Variants in SUGCT observed in about 807,000 individuals in gnomAD.
The protein encoded by SUGCT is succinyl-CoA:glutarate CoA-transferase.
A neutral mutation model predicts 55.0 loss-of-function variants in SUGCT; 41 were observed. The ratio of observed to expected loss-of-function variants is 0.74; its 90% CI spans 0.58 to 0.97. The LOEUF (loss-of-function observed/expected upper bound fraction) is 0.97, where lower values mean the gene tolerates loss of function less well. Among genes scored for constraint, SUGCT ranks in the 50% least tolerant of loss-of-function variants. The pLI is 0.00. For synonymous variants in SUGCT, 187 were observed against 200.4 expected (o/e 0.93, Z 0.56); for missense variants, 568 against 547.8 (o/e 1.04, Z -0.37).
At chr7:40,855,547 GT>G in intron 13 of SUGCT, among the ~76,000 whole-genome samples, 1 of 151,920 alleles carries the variant, frequency 6.6e-6, no homozygotes, top group Non-Finnish European at 1.5e-5. Context: ...TCTGTTTTGA[GT>G]TATCTTCATT....
intron 12 of SUGCT, among the ~76,000 whole-genome samples, chr7:40,679,241 C>T (rs1351678176): frequency 6.6e-6 from 1 of 152,160 alleles, no homozygotes; most frequent in Non-Finnish European, 1.5e-5. Flanking sequence ...AAGAACAAGG[C>T]CCCTAGTGTT....
intron 12 of SUGCT, among the ~76,000 whole-genome samples, chr7:40,731,666 G>A (rs1786896036): frequency 6.6e-6 from 1 of 152,158 alleles, no homozygotes. Context: ...TAAACAAATC[G>A]TTAAAGTGGA....
intron 12 of SUGCT, among the ~76,000 whole-genome samples, chr7:40,638,173 G>C (rs112462710): frequency 1.3e-5 from 2 of 152,156 alleles, no homozygotes; most frequent in African/African-American, 4.8e-5. Flanking sequence ...CAAATATCCG[G>C]CACTTGTTTT....
intron 1 of SUGCT, among the ~76,000 whole-genome samples, chr7:40,178,822 C>T (rs1198380128): frequency 6.6e-6 from 1 of 152,026 alleles, no homozygotes; most frequent in African/African-American, 2.4e-5. Context: ...TGAATTATTT[C>T]TTTGGTAATA....
intron 6 of SUGCT, among the ~76,000 whole-genome samples, chr7:40,219,184 G>A (rs1251900234): frequency 1.3e-5 from 2 of 152,018 alleles, no homozygotes; most frequent in Admixed American, 6.6e-5. Flanking sequence ...TGAAGTCAGC[G>A]AGACCAGGAT....
intron 1 of SUGCT, among the ~76,000 whole-genome samples, chr7:40,138,391 C>T (rs555200481): frequency 6.6e-6 from 1 of 152,190 alleles, no homozygotes; most frequent in Middle Eastern, 3.4e-3. Flanking sequence ...TTATTTAGTG[C>T]TCCATTGATG....
chr7:40,208,324 G>C (rs958779612), intron 6 of SUGCT, among the ~76,000 whole-genome samples: 1 of 152,006 alleles, frequency 6.6e-6, no homozygotes, highest in Non-Finnish European at 1.5e-5. Context: ...ACTTAAAAAT[G>C]GTTAAAACTA....
chr7:40,953,748 C>T, the SUGCT span, among the ~76,000 whole-genome samples: 2,898 of 152,334 alleles, frequency 0.019, 40 homozygotes, highest in Non-Finnish European at 0.029. Flanking sequence ...GTATCAGCAG[C>T]GGAGGCTGCA....
chr7:40,630,370 A>G (rs1799733519), intron 12 of SUGCT, among the ~76,000 whole-genome samples: 1 of 152,248 alleles, frequency 6.6e-6, no homozygotes, highest in African/African-American at 2.4e-5. Context: ...ATTAGTTGAC[A>G]TTATAAAATA....
chr7:40,362,122 T>G (rs1159326065), intron 9 of SUGCT, among the ~76,000 whole-genome samples: 2 of 151,882 alleles, frequency 1.3e-5, no homozygotes, highest in African/African-American at 2.4e-5. Flanking sequence ...TTCAGATGAT[T>G]AAGAAGTTCA....
intron 8 of SUGCT, among the ~76,000 whole-genome samples, chr7:40,310,090 G>T (rs942295091): frequency 2.6e-5 from 4 of 152,102 alleles, no homozygotes; most frequent in African/African-American, 9.7e-5. Flanking sequence ...GTATGGAAAG[G>T]GGGAGGAAAA....
At chr7:40,864,128 C>T (rs1254669594), downstream of SUGCT, among the ~76,000 whole-genome samples, 2 of 152,104 alleles carry the variant, frequency 1.3e-5, no homozygotes, top group Non-Finnish European at 2.9e-5. Context: ...ACAGACACAC[C>T]ATGCCATTTT....
At chr7:40,865,848 C>G in the SUGCT span, among the ~76,000 whole-genome samples, 13 of 152,218 alleles carry the variant, frequency 8.5e-5, no homozygotes, top group African/African-American at 3.1e-4. Flanking sequence ...GCCCTCACCT[C>G]TACCTTGTTA....
chr7:40,613,162 G>A (rs759998186), intron 12 of SUGCT, among the ~76,000 whole-genome samples: 1 of 152,022 alleles, frequency 6.6e-6, no homozygotes. Flanking sequence ...CAAATTCAAC[G>A]ATACTCTTAT....
intron 12 of SUGCT, among the ~76,000 whole-genome samples, chr7:40,530,029 A>AT (rs1000255529): frequency 2.0e-5 from 3 of 151,800 alleles, no homozygotes; most frequent in African/African-American, 7.3e-5. Flanking sequence ...CCTCTTTCCA[A>AT]TTTTTTTGCC....
At chr7:40,996,368 C>T in the SUGCT span, among the ~76,000 whole-genome samples, 45 of 152,224 alleles carry the variant, frequency 3.0e-4, no homozygotes, top group Non-Finnish European at 4.9e-4. Context: ...GTGGGCTGAG[C>T]GATCTGGAAT....
At chr7:40,811,285 T>G (rs1419796897) in intron 13 of SUGCT, among the ~76,000 whole-genome samples, 1 of 152,184 alleles carries the variant, frequency 6.6e-6, no homozygotes, top group African/African-American at 2.4e-5. Context: ...GAATAGTTTT[T>G]TCTTCTCTTC....
At chr7:40,187,664 G>A (rs953818793) in intron 3 of SUGCT, among the ~76,000 whole-genome samples, 1 of 152,220 alleles carries the variant, frequency 6.6e-6, no homozygotes, top group African/African-American at 2.4e-5. Context: ...CTAGCCTGGT[G>A]CAGTGGGATC....
intron 12 of SUGCT, among the ~76,000 whole-genome samples, chr7:40,654,334 C>T (rs970920727): frequency 1.3e-5 from 2 of 152,164 alleles, no homozygotes; most frequent in Admixed American, 6.5e-5. Context: ...GAGAAAGCTC[C>T]TTGTTAGCTG....
Sources: gnomAD v4.1 joint callset for allele counts (sites outside exome capture counted in the v4.1 genomes callset) on GRCh38, gnomAD v4.1.1 for gene constraint, MANE v1.5 for transcripts, NCBI Gene and HGNC (gene_info 2026-07-23, HGNC 2026-07-21) for gene names.